Variants in DKKL1 observed in about 807,000 individuals in gnomAD.
DKKL1 encodes dickkopf-like protein 1.
In DKKL1, 11 loss-of-function variants were observed where a neutral mutation model predicts 16.5. That is an observed-to-expected ratio of 0.67 (90% CI 0.42 to 1.10). The LOEUF is 1.10. Among genes scored for constraint, DKKL1 ranks in the 50% least tolerant of loss-of-function variants. The pLI is 0.00. For missense variants in DKKL1, 320 were observed against 308.1 expected (o/e 1.04, Z -0.29); for synonymous variants, 119 against 133.2 (o/e 0.89, Z 0.73).
At chr19:49,370,254 C>T (rs1973425220) in intron 4 of DKKL1, 1 of 152,306 alleles carries the variant, frequency 6.6e-6, no homozygotes, top group East Asian at 1.9e-4. Context: ...TTAGGACACC[C>T]CACTGGATTT....
chr19:49,372,029 A>G (rs1233622139), intron 4 of DKKL1, among the ~76,000 whole-genome samples: 1 of 152,146 alleles, frequency 6.6e-6, no homozygotes, highest in Non-Finnish European at 1.5e-5. Context: ...CTGATGGACA[A>G]TTGGGTTGGT....
chr19:49,374,188 G>A (rs561019495), intron 4 of DKKL1, among the ~76,000 whole-genome samples: 5 of 151,960 alleles, frequency 3.3e-5, no homozygotes, highest in South Asian at 2.1e-4. Context: ...GGGTTTCACC[G>A]TGTTAGCCAG....
rs142961932 is a variant in DKKL1, at chr19:49,374,454, C to A, written c.418-263C>A. Among the ~76,000 whole-genome samples the A allele has an allele frequency of 4.1e-4, 62 of 152,346 alleles. No individual in the cohort carries two copies. The East Asian group carries it at 6.6e-3, about 16-fold the overall frequency. ...ATCCTAAAGTGCTCTAGAATCCCAACAGGCATTATAATCCCTGAAGTGCTC... is the reference window on the plus strand; with the variant it reads ...ATCCTAAAGTGCTCTAGAATCCCAAAAGGCATTATAATCCCTGAAGTGCTC... On this transcript the variant is annotated intron_variant, in intron 4 of 4. Transcript: ENST00000221498.
At chr19:49,368,158 G>A (rs1238051897) in intron 4 of DKKL1, among the ~76,000 whole-genome samples, 8 of 151,966 alleles carry the variant, frequency 5.3e-5, no homozygotes, top group African/African-American at 1.7e-4. Context: ...ACTAAAATAC[G>A]AAAAATTAGC....
chr19:49,362,191 A>T (rs1369766315), upstream of DKKL1: 1 of 152,756 alleles, frequency 6.5e-6, no homozygotes, highest in Non-Finnish European at 1.5e-5. Flanking sequence ...CTCCGGCCAG[A>T]GTTCCCACTC....
intron 1 of DKKL1, among the ~76,000 whole-genome samples, chr19:49,364,347 C>CAAAA (rs566267475): frequency 3.9e-5 from 3 of 76,782 alleles, no homozygotes; most frequent in African/African-American, 1.0e-4. Context: ...GTCTCGGTCT[C>CAAAA]AAAAAAAAAA....
At chr19:49,363,057 TG>T (rs1973069453), upstream of DKKL1, 1 of 151,376 alleles carries the variant, frequency 6.6e-6, no homozygotes, top group African/African-American at 2.4e-5. Context: ...GGGAGTTTAT[TG>T]GAGGCCCACG....
chr19:49,360,800 G>GC (rs1555786387), upstream of DKKL1, among the ~76,000 whole-genome samples: 1 of 29,970 alleles, frequency 3.3e-5, no homozygotes. Context: ...AGACCAGCAA[G>GC]GGGGGGGGAC....
At chr19:49,368,803 A>G (rs1176849847) in intron 4 of DKKL1, 2 of 152,212 alleles carry the variant, frequency 1.3e-5, no homozygotes, top group African/African-American at 4.8e-5. Flanking sequence ...ATATAAGGAA[A>G]TAAGTACCTT....
chr19:49,364,143 A>G lies in DKKL1; in HGVS notation c.10+135A>G. ...GGTGGGCGGATCGCTTGAGATCAGG[A>G]GTTCGAGACCAGCCTGGGCAATATG... On this transcript the variant is annotated intron_variant, in intron 1 of 4. Transcript: ENST00000221498. 1.7e-6 allele frequency: 2 copies of G among 1,193,374 alleles called. 1 individual carries two copies. The highest frequency in any genetic ancestry group is 5.1e-5 in the East Asian group (2 of 39,074). 73.9% of individuals were successfully genotyped at this position (1,193,374 alleles called of 1,614,324 possible).
chr19:49,374,734 G>T lies in DKKL1; in HGVS notation c.435G>T (p.Glu145Asp), dbSNP rs747993016. 2.0e-6 allele frequency: 3 copies of T among 1,534,718 alleles called. No homozygotes were observed. Among genetic ancestry groups the T allele is most frequent in the Non-Finnish European group, 2.6e-6 (3 of 1,140,638 alleles). The stretch of plus-strand genomic sequence containing the variant: ...CTCCCCAGGTACCCAGGATGGAGGA[G>T]AAGGAGGCCCTGGTACCCATCCAGA... Reference protein sequence around the residue: ...EGDLKVPRMEEKEALVPIQKA... With the variant: ...EGDLKVPRMEDKEALVPIQKA... Residue 145 changes from glutamate to aspartate, a missense_variant, in exon 5 of 5, where the codon GAG becomes GAT. Physicochemically the swap from Glu to Asp is conservative, Grantham distance 45. Transcript: ENST00000221498.
Position 49,374,738 on chromosome 19 carries a change from GA to G in DKKL1, c.440del (p.Glu147GlyfsTer67). ...DLKVPRMEEK[E>X]ALVPIQKATD... ...CCAGGTACCCAGGATGGAGGAGAAG[GA>G]GGCCCTGGTACCCATCCAGAAGGCC... On this transcript the variant is annotated frameshift_variant, in exon 5 of 5. Transcript: ENST00000221498. LOFTEE classifies it low-confidence loss of function (END_TRUNC). 1 of 1,536,566 alleles carries G rather than the reference GA, an allele frequency of 6.5e-7. No homozygotes were observed. The highest frequency in any genetic ancestry group is 2.3e-5 in the East Asian group (1 of 43,792).
chr19:49,368,330 T>C (rs980563920), intron 4 of DKKL1, among the ~76,000 whole-genome samples: 16 of 113,012 alleles, frequency 1.4e-4, no homozygotes, highest in African/African-American at 5.5e-4. Flanking sequence ...AAAAAAAAAA[T>C]CAAAAAAGTA....
At chr19:49,368,409 C>T (rs924498033) in intron 4 of DKKL1, among the ~76,000 whole-genome samples, 16 of 151,432 alleles carry the variant, frequency 1.1e-4, no homozygotes, top group Admixed American at 9.2e-4. Context: ...TTGTTTGAGA[C>T]GAGGAGGTTG....
chr19:49,371,966 C>T (rs1348233216), intron 4 of DKKL1, among the ~76,000 whole-genome samples: 3 of 152,010 alleles, frequency 2.0e-5, no homozygotes, highest in East Asian at 3.8e-4. Context: ...TTTCTGTGGC[C>T]GAATAGTATT....
chr19:49,367,198 T>C (rs1173463563), intron 4 of DKKL1, among the ~76,000 whole-genome samples: 2 of 151,648 alleles, frequency 1.3e-5, no homozygotes, highest in African/African-American at 4.9e-5. Context: ...AGCTAATTTT[T>C]GAATTTTTAG....
chr19:49,363,341 G>A (rs972627600), upstream of DKKL1, among the ~76,000 whole-genome samples: 4 of 152,236 alleles, frequency 2.6e-5, no homozygotes, highest in Admixed American at 2.6e-4. Flanking sequence ...ACTTTTTAGT[G>A]GAGCGGGAGC....
intron 4 of DKKL1, among the ~76,000 whole-genome samples, chr19:49,368,488 AAAATAAAT>A (rs1039855646): frequency 4.5e-4 from 68 of 151,158 alleles, no homozygotes; most frequent in African/African-American, 1.2e-3. Context: ...TCTGTCTCAA[AAAATAAAT>A]AAATAAATAA....
intron 1 of DKKL1, 88 bp from the exon 2 acceptor site, chr19:49,364,494 G>T: frequency 8.4e-7 from 1 of 1,190,224 alleles, no homozygotes; most frequent in East Asian, 2.5e-5. Flanking sequence ...CTGAACTGGG[G>T]AGGCGACCTG....
Sources: gnomAD v4.1 joint callset for allele counts (sites outside exome capture counted in the v4.1 genomes callset) on GRCh38, gnomAD v4.1.1 for gene constraint, MANE v1.5 for transcripts, NCBI Gene and HGNC (gene_info 2026-07-23, HGNC 2026-07-21) for gene names.